The following POPDC2 variants were observed in gnomAD, a reference collection of about 807,000 sequenced individuals.
POPDC2 encodes the protein popeye domain cAMP effector 2.
POPDC2 carries 24 observed loss-of-function variants against 30.5 expected under a neutral mutation model. The ratio of observed to expected loss-of-function variants is 0.79; its 90% CI spans 0.57 to 1.11. The LOEUF is 1.11. POPDC2 is among the 50% of genes least tolerant of loss of function. POPDC2 has a pLI of 0.00. For synonymous variants in POPDC2, 185 were observed against 183.3 expected (o/e 1.01, Z -0.07); for missense variants, 409 against 447.0 (o/e 0.91, Z 0.77).
rs538622520 is a variant in POPDC2 at position 119,646,190 on chromosome 3, GAATA to G, written c.*43+1925_*43+1928del. On this transcript the variant is annotated intron_variant, in intron 3 of 3. Coordinates refer to ENST00000493094, the MANE Select transcript of POPDC2 (RefSeq NM_001369919.2). The stretch of plus-strand genomic sequence containing the variant: ...GGGGGTACAGGGTGTTTAGGAGGAA[GAATA>G]GATACAGCAAGGCAAAAAAGGTGGG... Among the ~76,000 whole-genome samples, 1,384 of 152,054 alleles carry G rather than the reference GAATA, an allele frequency of 9.1e-3. 13 individuals are homozygous for G. Among genetic ancestry groups the G allele is most frequent in the Non-Finnish European group, 0.016 (1,086 of 67,972 alleles).
intron 3 of POPDC2, among the ~76,000 whole-genome samples, chr3:119,644,780 A>G (rs1428054925): frequency 2.0e-5 from 3 of 152,220 alleles, no homozygotes; most frequent in Non-Finnish European, 4.4e-5. Context: ...AGAGCCAGGA[A>G]ATAGATGGTG....
chr3:119,654,230 A>G lies in POPDC2; in HGVS notation c.600+275T>C, dbSNP rs75900845. Reference sequence around the variant, plus strand: ...ACTAAAAGGTTTAAGTTACCCTATAACAAGTGTGGGTTTTTATGTTGTGGC... The same window carrying G: ...ACTAAAAGGTTTAAGTTACCCTATAGCAAGTGTGGGTTTTTATGTTGTGGC... On this transcript the variant is annotated intron_variant, in intron 2 of 3. Transcript: ENST00000493094. Among the ~76,000 whole-genome samples, 1,094 of 152,276 alleles carry G rather than the reference A, an allele frequency of 7.2e-3. 7 individuals are homozygous for G. The highest frequency in any genetic ancestry group is 0.034 in the Middle Eastern group (10 of 294).
chr3:119,643,746 C>A lies in POPDC2; in HGVS notation c.*44-1185G>T, dbSNP rs533057610. Among the ~76,000 whole-genome samples the A allele has an allele frequency of 3.3e-5, 5 of 152,242 alleles. No homozygotes were observed. The South Asian group carries it at 1.0e-3, about 32-fold the overall frequency. On this transcript the variant is annotated intron_variant, in intron 3 of 3. Transcript: ENST00000493094. The stretch of plus-strand genomic sequence containing the variant: ...ACCCTGACACAATAATCCAAGGCAT[C>A]CTTTTCCCAGAGCATGAATCACCTT...
Position 119,654,622 on chromosome 3 carries a change from GGAAGA to G in POPDC2, c.492-14_492-10del. ...CCTGGCTCACACGAACCCTGGCAAG[GGAAGA>G]GAAGAGATCATGTGGGAAAAGGAAA... On this transcript the variant is annotated splice_polypyrimidine_tract_variant and intron_variant, in intron 1 of 3. Coordinates refer to ENST00000493094, the MANE Select transcript of POPDC2 (RefSeq NM_001369919.2). 3 of 1,609,014 alleles carry G rather than the reference GGAAGA, an allele frequency of 1.9e-6. No homozygotes were observed. The highest frequency in any genetic ancestry group is 2.7e-5 in the African/African-American group (2 of 74,904).
At chr3:119,645,490 G>A (rs2052735441) in intron 3 of POPDC2, among the ~76,000 whole-genome samples, 1 of 151,228 alleles carries the variant, frequency 6.6e-6, no homozygotes, top group South Asian at 2.1e-4. Context: ...GTGAACCCGG[G>A]AGGCGGAGCT....
intron 3 of POPDC2, 50 bp from the exon 4 acceptor site, chr3:119,642,611 T>A (rs779050367): frequency 7.9e-7 from 1 of 1,272,546 alleles, no homozygotes; most frequent in South Asian, 1.2e-5. Context: ...TCTGGACAGT[T>A]TGTCTAACTT....
intron 1 of POPDC2, among the ~76,000 whole-genome samples, chr3:119,657,247 C>A (rs2052890224): frequency 1.3e-5 from 2 of 152,144 alleles, no homozygotes; most frequent in South Asian, 4.1e-4. Flanking sequence ...AGAAAAAAAT[C>A]AACATTTCTC....
At chr3:119,659,087 C>A (rs1290827933) in intron 1 of POPDC2, among the ~76,000 whole-genome samples, 1 of 152,078 alleles carries the variant, frequency 6.6e-6, no homozygotes, top group Non-Finnish European at 1.5e-5. Context: ...AGCACAGAGC[C>A]CCGTGATGTT....
At position 119,647,384 on chromosome 3, in the gene POPDC2, T is replaced by C. The variant is rs116687022; in HGVS notation, c.*43+735A>G. Among the ~76,000 whole-genome samples, 640 of 152,326 alleles carry C rather than the reference T, an allele frequency of 4.2e-3. 3 individuals are homozygous for C. Among genetic ancestry groups the C allele is most frequent in the African/African-American group, 0.014 (575 of 41,574 alleles). On this transcript the variant is annotated intron_variant, in intron 3 of 3. Coordinates refer to ENST00000493094, the MANE Select transcript of POPDC2 (RefSeq NM_001369919.2). Reference sequence around the variant, plus strand: ...CCAGAACCACTGGGCACAGCCTTTCTTGTAGACTCTCTGGGAGGGAAATTC... The same window carrying C: ...CCAGAACCACTGGGCACAGCCTTTCCTGTAGACTCTCTGGGAGGGAAATTC...
intron 1 of POPDC2, among the ~76,000 whole-genome samples, chr3:119,657,785 C>A (rs79697144): frequency 6.6e-6 from 1 of 152,298 alleles, no homozygotes; most frequent in East Asian, 1.9e-4. Context: ...TCATCTGTTT[C>A]TTCTTCCTTC....
In POPDC2 at chr3:119,648,108, T is replaced by C; in HGVS notation, c.*43+11A>G. On this transcript the variant is annotated intron_variant, in intron 3 of 3. Transcript: ENST00000493094. ...ACAGGAATGTGCAGCGGCTGCCTTC[T>C]GAGTACTTACATAGGATCCTGAGCC... The C allele has an allele frequency of 6.9e-7, 1 of 1,444,164 alleles. No individual in the cohort carries two copies. Among genetic ancestry groups the C allele is most frequent in the African/African-American group, 1.4e-5 (1 of 70,332 alleles). 89.5% of individuals were successfully genotyped at this position (1,444,164 alleles called of 1,614,324 possible).
chr3:119,655,328 A>G (rs372642902), intron 1 of POPDC2, among the ~76,000 whole-genome samples: 7 of 152,324 alleles, frequency 4.6e-5, no homozygotes, highest in Admixed American at 4.6e-4. Context: ...TTCTGTCTCA[A>G]AAAAAGAGAA....
chr3:119,656,672 C>T (rs1224722938), intron 1 of POPDC2, among the ~76,000 whole-genome samples: 6 of 152,170 alleles, frequency 3.9e-5, no homozygotes, highest in African/African-American at 1.4e-4. Flanking sequence ...CTTTATCCTT[C>T]CCCCAACCCG....
chr3:119,647,961 C>T (rs1179358884), intron 3 of POPDC2, among the ~76,000 whole-genome samples, 158 bp downstream of exon 3: 1 of 152,224 alleles, frequency 6.6e-6, no homozygotes, highest in Non-Finnish European at 1.5e-5. Flanking sequence ...GCCTTGCATG[C>T]ACCCGGAGTG....
At chr3:119,649,283 A>G (rs1461456823) in intron 2 of POPDC2, among the ~76,000 whole-genome samples, 1 of 152,170 alleles carries the variant, frequency 6.6e-6, no homozygotes, top group Non-Finnish European at 1.5e-5. Flanking sequence ...CTGAAATCAG[A>G]AAAAGGGCAT....
chr3:119,656,565 G>A (rs1431556378), intron 1 of POPDC2, among the ~76,000 whole-genome samples: 1 of 152,126 alleles, frequency 6.6e-6, no homozygotes, highest in Admixed American at 6.5e-5. Flanking sequence ...ATGAGAACTT[G>A]TTAGAACTGA....
At chr3:119,642,860 A>T (rs955903508) in intron 3 of POPDC2, among the ~76,000 whole-genome samples, 5 of 152,232 alleles carry the variant, frequency 3.3e-5, no homozygotes, top group Non-Finnish European at 7.3e-5. Context: ...AACCCTATCT[A>T]ATTTAAAGAA....
At position 119,660,097 on chromosome 3, in the gene POPDC2, G is replaced by C. The variant is rs1350125164; in HGVS notation, c.327C>G (p.Asp109Glu). 1 of 1,614,200 alleles carries C rather than the reference G, an allele frequency of 6.2e-7. No homozygotes were observed. The highest frequency in any genetic ancestry group is 1.1e-5 in the South Asian group (1 of 91,080). The stretch of plus-strand genomic sequence containing the variant: ...GCAGGCACAGCGTCTTGTAGAGGAG[G>C]TCAAACTCCTCAGGGAGGGTGTCCT... ...LREDTLPEEFDLLYKTLCLPL... is the reference protein window; with the variant it reads ...LREDTLPEEFELLYKTLCLPL... Residue 109 changes from aspartate (D) to glutamate (E), a missense_variant, in exon 1 of 4, where the codon GAC becomes GAG. Coordinates refer to ENST00000493094, the MANE Select transcript of POPDC2 (RefSeq NM_001369919.2).
chr3:119,648,756 CA>C (rs2052775645), intron 2 of POPDC2, 88 bp from the exon 3 acceptor site: 1 of 1,189,504 alleles, frequency 8.4e-7, no homozygotes, highest in Non-Finnish European at 1.2e-6. Context: ...ACTTGGCAAA[CA>C]GCTGTACTTT....
Sources: allele counts gnomAD v4.1 joint callset (sites outside exome capture counted in the v4.1 genomes callset), GRCh38; gene constraint gnomAD v4.1.1; transcripts MANE v1.5; gene names NCBI Gene and HGNC (gene_info 2026-07-23, HGNC 2026-07-21).